The following CTNND2 variants were observed in gnomAD, a reference collection of about 807,000 sequenced individuals.
CTNND2 encodes catenin delta-2.
Under a neutral mutation model 144.4 loss-of-function variants are expected in CTNND2, and 22 were observed. The ratio of observed to expected loss-of-function variants is 0.15; its 90% CI spans 0.11 to 0.22. CTNND2 has a LOEUF of 0.22. Ranked by LOEUF, CTNND2 falls within the 10% of genes least tolerant of loss-of-function variation. The pLI, the probability that CTNND2 is intolerant of heterozygous loss-of-function variation, is 1.00. For missense variants in CTNND2, 1,353 were observed against 1,618.8 expected, an observed-to-expected ratio of 0.84 and a Z score of 2.82; for synonymous variants, 751 against 695.6, an observed-to-expected ratio of 1.08 and a Z score of -1.25.
Position 11,550,256 on chromosome 5 carries a change from A to G in CTNND2, c.287+14688T>C, listed in dbSNP as rs140841326. ...AGCTGAGATTCAAATCTCAAAGTCT[A>G]TGGTTCCAAACTCCGTTGTCTTCAC... On this transcript the variant is annotated intron_variant, in intron 3 of 21. Coordinates refer to ENST00000304623, the MANE Select transcript of CTNND2 (RefSeq NM_001332.4). Among the ~76,000 whole-genome samples, 1,086 of 152,340 alleles carry G rather than the reference A, an allele frequency of 7.1e-3. 10 individuals are homozygous for G. The highest frequency in any genetic ancestry group is 0.025 in the African/African-American group (1,039 of 41,584).
chr5:11,087,957 A>C (rs988252690), intron 15 of CTNND2, among the ~76,000 whole-genome samples: 14 of 152,228 alleles, frequency 9.2e-5, no homozygotes, highest in Non-Finnish European at 1.6e-4. Context: ...ACCCAGAGGA[A>C]GCATTCACTG....
At chr5:11,575,063 A>C (rs762828066) in intron 2 of CTNND2, among the ~76,000 whole-genome samples, 4 of 152,162 alleles carry the variant, frequency 2.6e-5, no homozygotes, top group Non-Finnish European at 4.4e-5. Flanking sequence ...ATATATATGC[A>C]CATTTCTGAC....
At chr5:11,362,590 G>T (rs1756578640) in intron 8 of CTNND2, among the ~76,000 whole-genome samples, 2 of 152,178 alleles carry the variant, frequency 1.3e-5, no homozygotes, top group African/African-American at 4.8e-5. Context: ...ACGTCAATCA[G>T]CATGTTTTCT....
chr5:11,812,911 T>C (rs1681914790), intron 1 of CTNND2, among the ~76,000 whole-genome samples: 1 of 152,102 alleles, frequency 6.6e-6, no homozygotes, highest in Admixed American at 6.6e-5. Context: ...CACCATTAAT[T>C]ATGTGTTCTT....
intron 7 of CTNND2, among the ~76,000 whole-genome samples, chr5:11,378,823 T>G (rs1453623562): frequency 6.6e-6 from 1 of 152,164 alleles, no homozygotes; most frequent in South Asian, 2.1e-4. Context: ...CCTGGAAGCC[T>G]TAATCAGTCA....
At chr5:11,588,944 G>A in intron 2 of CTNND2, 1 of 985,234 alleles carries the variant, frequency 1.0e-6, no homozygotes, top group Non-Finnish European at 1.2e-6. Context: ...AACCGAGAAG[G>A]GAGTGAAGAA....
At chr5:11,617,382 A>C (rs1441213229) in intron 2 of CTNND2, among the ~76,000 whole-genome samples, 1 of 152,126 alleles carries the variant, frequency 6.6e-6, no homozygotes, top group African/African-American at 2.4e-5. Context: ...ACACTATTTG[A>C]TATCACTTGA....
At chr5:11,708,596 G>T (rs993003824) in intron 2 of CTNND2, among the ~76,000 whole-genome samples, 1 of 152,048 alleles carries the variant, frequency 6.6e-6, no homozygotes, top group Non-Finnish European at 1.5e-5. Flanking sequence ...CTTGCTTGGC[G>T]AGTCTGGGAT....
intron 9 of CTNND2, among the ~76,000 whole-genome samples, chr5:11,300,093 T>G (rs150931597): frequency 5.9e-5 from 9 of 152,278 alleles, no homozygotes; most frequent in Non-Finnish European, 1.2e-4. Flanking sequence ...GGGACTCCAT[T>G]TCAGGAGAGA....
At chr5:11,562,940 T>C (rs557179743) in intron 3 of CTNND2, among the ~76,000 whole-genome samples, 1 of 152,364 alleles carries the variant, frequency 6.6e-6, no homozygotes, top group Non-Finnish European at 1.5e-5. Context: ...TTCAGGGCCA[T>C]ATGGCTTCTC....
intron 11 of CTNND2, among the ~76,000 whole-genome samples, chr5:11,196,542 C>A (rs1372527567): frequency 6.6e-6 from 1 of 152,188 alleles, no homozygotes; most frequent in African/African-American, 2.4e-5. Context: ...ACACTTAGAT[C>A]TTTGTTTTGT....
At chr5:11,580,912 T>C (rs1379343765) in intron 2 of CTNND2, among the ~76,000 whole-genome samples, 1 of 152,174 alleles carries the variant, frequency 6.6e-6, no homozygotes, top group African/African-American at 2.4e-5. Context: ...TTCATCATTG[T>C]TTTTAGAAGC....
At chr5:11,743,999 T>C (rs1277066257) in intron 1 of CTNND2, among the ~76,000 whole-genome samples, 1 of 152,176 alleles carries the variant, frequency 6.6e-6, no homozygotes, top group Non-Finnish European at 1.5e-5. Context: ...AAAGGAAGGT[T>C]CTGTGATGAC....
At chr5:11,731,570 T>C (rs1283403115) in intron 2 of CTNND2, among the ~76,000 whole-genome samples, 1 of 152,232 alleles carries the variant, frequency 6.6e-6, no homozygotes, top group African/African-American at 2.4e-5. Flanking sequence ...AAAGTGACGT[T>C]TTAAATCTAA....
intron 2 of CTNND2, among the ~76,000 whole-genome samples, chr5:11,717,615 A>G (rs756095770): frequency 1.3e-5 from 2 of 151,882 alleles, no homozygotes; most frequent in Non-Finnish European, 2.9e-5. Context: ...TGGGTAATTT[A>G]TAAAGGAAAG....
chr5:11,181,745 T>G, intron 11 of CTNND2, among the ~76,000 whole-genome samples: 1 of 134,174 alleles, frequency 7.5e-6, no homozygotes, highest in Non-Finnish European at 1.6e-5. Context: ...GGCATGTGTG[T>G]GTGGATGTGT....
At chr5:11,122,285 T>C (rs1345772740) in intron 12 of CTNND2, among the ~76,000 whole-genome samples, 1 of 151,926 alleles carries the variant, frequency 6.6e-6, no homozygotes, top group Non-Finnish European at 1.5e-5. Flanking sequence ...GAAGATAGCA[T>C]ACAGCATCGC....
intron 3 of CTNND2, among the ~76,000 whole-genome samples, chr5:11,550,310 T>C (rs1581472704): frequency 6.6e-6 from 1 of 152,216 alleles, no homozygotes. Context: ...CTCCTTAAAT[T>C]AGAGCTTCAG....
rs976962658 is a variant in CTNND2 at position 11,731,998 on chromosome 5, T to A, written c.174+138A>T. On this transcript the variant is annotated intron_variant, in intron 2 of 21. Coordinates refer to ENST00000304623, the MANE Select transcript of CTNND2 (RefSeq NM_001332.4). ...AGGAATTATAACCATATTACAATAT[T>A]ATTTATATAATAAATACCAACACTC... The A allele has an allele frequency of 1.4e-5, 9 of 666,216 alleles. No homozygotes were observed. The African/African-American group carries it at 1.5e-4, about 11-fold the overall frequency. 41.3% of individuals were successfully genotyped at this position (666,216 alleles called of 1,614,324 possible).
Sources: gnomAD v4.1 joint callset for allele counts (sites outside exome capture counted in the v4.1 genomes callset) on GRCh38, gnomAD v4.1.1 for gene constraint, MANE v1.5 for transcripts, NCBI Gene and HGNC (gene_info 2026-07-23, HGNC 2026-07-21) for gene names.